The following ROBO1 variants were observed in gnomAD, a reference collection of about 807,000 sequenced individuals.
The protein encoded by ROBO1 is roundabout guidance receptor 1, also known as roundabout homolog 1.
Under a neutral mutation model 195.9 loss-of-function variants are expected in ROBO1, and 149 were observed. That is an observed-to-expected ratio of 0.76 (90% CI 0.67 to 0.87). The LOEUF (loss-of-function observed/expected upper bound fraction) is 0.87, where lower values mean the gene tolerates loss of function less well. ROBO1 is among the 40% of genes least tolerant of loss of function. The pLI is 0.00. For synonymous variants in ROBO1, 816 were observed against 733.2 expected, an observed-to-expected ratio of 1.11 and a Z score of -1.82; for missense variants, 1,933 against 2,068.3, an observed-to-expected ratio of 0.93 and a Z score of 1.27.
chr3:79,135,896 C>G (rs1355259610), intron 2 of ROBO1, among the ~76,000 whole-genome samples: 1 of 152,180 alleles, frequency 6.6e-6, no homozygotes, highest in Non-Finnish European at 1.5e-5. Context: ...CTTGGCCTCC[C>G]AAAGTGCTGG....
At chr3:79,194,969 A>G (rs552950320) in intron 2 of ROBO1, among the ~76,000 whole-genome samples, 11 of 151,832 alleles carry the variant, frequency 7.2e-5, no homozygotes, top group Non-Finnish European at 1.6e-4. Context: ...AGGGCAATGC[A>G]GTGCTAAAGG....
At chr3:79,379,588 A>G (rs1015158284) in intron 2 of ROBO1, among the ~76,000 whole-genome samples, 1 of 152,220 alleles carries the variant, frequency 6.6e-6, no homozygotes, top group African/African-American at 2.4e-5. Flanking sequence ...CTTGTGATCT[A>G]AAAAACCTTA....
At chr3:79,171,413 C>CAAAAAAAAAAAAAAAA (rs34894151) in intron 2 of ROBO1, among the ~76,000 whole-genome samples, 2 of 65,850 alleles carry the variant, frequency 3.0e-5, no homozygotes, top group Non-Finnish European at 6.6e-5. Context: ...ATGAAAATTG[C>CAAAAAAAAAAAAAAAA]AAAAAAAAAA....
intron 3 of ROBO1, among the ~76,000 whole-genome samples, chr3:79,052,568 C>T (rs528712322): frequency 6.6e-6 from 1 of 152,196 alleles, no homozygotes; most frequent in Admixed American, 6.5e-5. Context: ...TAGAAACTTG[C>T]TGGTTTTGCA....
At chr3:78,794,240 C>A (rs1021791267) in intron 4 of ROBO1, among the ~76,000 whole-genome samples, 10 of 152,054 alleles carry the variant, frequency 6.6e-5, no homozygotes, top group Non-Finnish European at 1.0e-4. Flanking sequence ...ATCTCAATAT[C>A]CCTATCAATA....
intron 3 of ROBO1, among the ~76,000 whole-genome samples, chr3:79,067,618 A>G (rs1476656878): frequency 1.8e-5 from 2 of 112,080 alleles, no homozygotes; most frequent in African/African-American, 6.4e-5. Flanking sequence ...TTTCAAATTC[A>G]ACAATGATTT....
intron 4 of ROBO1, among the ~76,000 whole-genome samples, chr3:78,894,719 T>C (rs1414603777): frequency 2.6e-5 from 4 of 152,186 alleles, no homozygotes; most frequent in Non-Finnish European, 5.9e-5. Context: ...TAAGAATCCG[T>C]GCTGTTCTGC....
intron 1 of ROBO1, among the ~76,000 whole-genome samples, chr3:79,760,236 CAAAAAAAAAAAAAAAAAAAAA>C (rs11451206): frequency 2.7e-3 from 12 of 4,514 alleles, no homozygotes; most frequent in Admixed American, 0.013. Context: ...GACCCTATCT[CAAAAAAAAAAAAAAAAAAAAA>C]AAAAAAAAAA....
In ROBO1 at chr3:78,636,069, T is replaced by C; in HGVS notation, c.3077A>G (p.Lys1026Arg). 6.2e-7 allele frequency: 1 copy of C among 1,613,390 alleles called. No individual in the cohort carries two copies. Among genetic ancestry groups the C allele is most frequent in the Non-Finnish European group, 8.5e-7 (1 of 1,179,460 alleles). ...CTCAGGGAGCATCAGATTTGTTTGTTTGTTATCCAGTTGGTTGTTATAATT... is the reference window on the plus strand; with the variant it reads ...CTCAGGGAGCATCAGATTTGTTTGTCTGTTATCCAGTTGGTTGTTATAATT... ...IANYNNQLDN[K>R]QTNLMLPEST... Residue 1026 changes from lysine (K) to arginine (R), a missense_variant, in exon 23 of 31, where the codon AAA (lysine) becomes AGA (arginine). Around this residue, in one of 3 missense-constraint regions of ROBO1, gnomAD observed 1,737 missense variants for 1,882.5 expected, o/e 0.92. Transcript: ENST00000464233.
chr3:79,692,393 A>G (rs1230559232), intron 1 of ROBO1, among the ~76,000 whole-genome samples: 2 of 151,908 alleles, frequency 1.3e-5, no homozygotes, highest in African/African-American at 2.4e-5. Context: ...AAAGATTTCA[A>G]TGAAACTAGT....
Position 79,701,563 on chromosome 3 carries a change from T to C in ROBO1, c.-51+66189A>G, listed in dbSNP as rs190786829. 2.3e-3 allele frequency among the ~76,000 whole-genome samples: 352 copies of C among 151,856 alleles called. 1 individual carries two copies. The highest frequency in any genetic ancestry group is 8.3e-3 in the African/African-American group (346 of 41,502). On this transcript the variant is annotated intron_variant, in intron 1 of 30. Coordinates refer to ENST00000464233, the MANE Select transcript of ROBO1 (RefSeq NM_002941.4). ...CTGCCCTTTGTCAGCCATTGTTATTTTCAGTTTCTAAAACTTGCTGTCAAA... is the reference window on the plus strand; with the variant it reads ...CTGCCCTTTGTCAGCCATTGTTATTCTCAGTTTCTAAAACTTGCTGTCAAA...
At chr3:79,077,487 T>C (rs959126395) in intron 3 of ROBO1, among the ~76,000 whole-genome samples, 11 of 151,918 alleles carry the variant, frequency 7.2e-5, no homozygotes, top group Non-Finnish European at 1.2e-4. Flanking sequence ...ATACATATCA[T>C]TAGCAATAAA....
At chr3:79,555,498 T>C (rs1942666769) in intron 2 of ROBO1, among the ~76,000 whole-genome samples, 1 of 152,128 alleles carries the variant, frequency 6.6e-6, no homozygotes, top group Non-Finnish European at 1.5e-5. Flanking sequence ...AAGTTGCCGA[T>C]TTACATTTAT....
intron 2 of ROBO1, among the ~76,000 whole-genome samples, chr3:79,512,087 A>T (rs975768691): frequency 2.1e-5 from 2 of 93,360 alleles, no homozygotes; most frequent in African/African-American, 1.1e-4. Context: ...ATTTAATAAA[A>T]AGAAAGAAAA....
At chr3:79,216,171 A>T (rs1023061129) in intron 2 of ROBO1, among the ~76,000 whole-genome samples, 8 of 152,050 alleles carry the variant, frequency 5.3e-5, no homozygotes. Flanking sequence ...TCATCAAATA[A>T]TTTTTTTAAG....
At chr3:78,857,883 A>G (rs752403828) in intron 4 of ROBO1, among the ~76,000 whole-genome samples, 7 of 152,172 alleles carry the variant, frequency 4.6e-5, no homozygotes, top group Non-Finnish European at 8.8e-5. Context: ...ATTACTTTCT[A>G]GAAGGATTAC....
chr3:79,541,286 C>T (rs992552556), intron 2 of ROBO1, among the ~76,000 whole-genome samples: 2 of 152,024 alleles, frequency 1.3e-5, no homozygotes, highest in African/African-American at 4.8e-5. Flanking sequence ...ATTTAAGTGA[C>T]GTGACAGGCC....
rs764258067 is a variant in ROBO1 at position 78,938,680 on chromosome 3, A to G, written c.420T>C (p.Pro140=). ...LRIVHGRKSR[P]DEGVYVCVAR... The stretch of plus-strand genomic sequence containing the variant: ...CTACACAGACATAGACTCCTTCATC[A>G]GGTCTACTTTTCCGTCCATGTACTA... Residue 140 remains proline (P), a synonymous_variant, in exon 4 of 31, where the codon CCT becomes CCC. Transcript: ENST00000464233. 6.9e-5 allele frequency: 111 copies of G among 1,613,874 alleles called. No homozygotes were observed. In the Admixed American group the frequency reaches 9.5e-4, roughly 14 times the overall value.
chr3:79,290,949 C>A (rs2032206996), intron 2 of ROBO1, among the ~76,000 whole-genome samples: 1 of 152,148 alleles, frequency 6.6e-6, no homozygotes, highest in Admixed American at 6.6e-5. Context: ...CTATCTCTTG[C>A]CATTATCCTG....
Sources: gnomAD v4.1 joint callset for allele counts (sites outside exome capture counted in the v4.1 genomes callset) on GRCh38, gnomAD v4.1.1 for gene constraint, gnomAD v4.1.1 regional missense constraint, MANE v1.5 for transcripts, NCBI Gene and HGNC (gene_info 2026-07-23, HGNC 2026-07-21) for gene names.